The following ACSL5 variants were observed in gnomAD, a reference collection of about 807,000 sequenced individuals.
The protein encoded by ACSL5 is long-chain-fatty-acid--CoA ligase 5.
In ACSL5, 50 loss-of-function variants were observed where a neutral mutation model predicts 84.9. That is an observed-to-expected ratio of 0.59 (90% CI 0.47 to 0.75). The LOEUF (loss-of-function observed/expected upper bound fraction) is 0.75, where lower values mean the gene tolerates loss of function less well. ACSL5 is among the 30% of genes least tolerant of loss of function. The probability of loss-of-function intolerance (pLI) is 0.00; values close to 1 mark genes in which losing one functional copy is unlikely to be tolerated. For missense variants in ACSL5, 775 were observed against 830.4 expected (o/e 0.93, Z 0.82); for synonymous variants, 280 against 300.7 (o/e 0.93, Z 0.71).
At chr10:112,415,218 G>C (rs1029304435) in intron 12 of ACSL5, among the ~76,000 whole-genome samples, 2 of 151,184 alleles carry the variant, frequency 1.3e-5, no homozygotes, top group African/African-American at 4.9e-5. Context: ...TTTTGTTTTT[G>C]AGACGGAGTC....
At chr10:112,396,551 T>C (rs1564734573) in intron 2 of ACSL5, among the ~76,000 whole-genome samples, 1 of 152,184 alleles carries the variant, frequency 6.6e-6, no homozygotes, top group Non-Finnish European at 1.5e-5. Flanking sequence ...TTCTCACAGC[T>C]AAGAAAATAC....
intron 14 of ACSL5, among the ~76,000 whole-genome samples, chr10:112,420,882 C>A (rs1360310944): frequency 2.6e-5 from 4 of 152,028 alleles, no homozygotes; most frequent in African/African-American, 9.6e-5. Context: ...CCACCAGGCC[C>A]GGCTAATTTT....
At chr10:112,422,265 T>C in intron 16 of ACSL5, 60 bp from the exon 17 acceptor site, 7 of 1,433,520 alleles carry the variant, frequency 4.9e-6, no homozygotes, top group Non-Finnish European at 5.8e-6. Context: ...TTTCATAAAC[T>C]GCCCACGCTG....
At chr10:112,400,507 T>G (rs1843860447) in intron 3 of ACSL5, among the ~76,000 whole-genome samples, 1 of 149,586 alleles carries the variant, frequency 6.7e-6, no homozygotes, top group Non-Finnish European at 1.5e-5. Context: ...CCTCCCAGGT[T>G]CAAGCAATTC....
intron 1 of ACSL5, among the ~76,000 whole-genome samples, chr10:112,375,769 C>G (rs1564727508): frequency 1.3e-5 from 2 of 152,222 alleles, no homozygotes; most frequent in East Asian, 1.9e-4. Context: ...AATTGAACGA[C>G]TCACAGCCCT....
rs1315871005 is a variant in ACSL5, at chr10:112,398,051, T to TAAGCC, written c.157-850_157-849insAAGCC. ...TACAGATCCACTTTTCTTTTTTTTTTTTTTTTTTTTTTTTTTTTTTTTTTT... is the reference window on the plus strand; with the variant it reads ...TACAGATCCACTTTTCTTTTTTTTTTAAGCCTTTTTTTTTTTTTTTTTTTTTTTTT... On this transcript the variant is annotated intron_variant, in intron 2 of 20. Transcript: ENST00000354655. Among the ~76,000 whole-genome samples the TAAGCC allele has an allele frequency of 4.6e-4, 2 of 4,376 alleles. 1 individual carries two copies. The highest frequency in any genetic ancestry group is 2.4e-3 in the African/African-American group (2 of 830). The allele number at this position is 4,376 out of a possible 152,430, so 2.9% of individuals were successfully genotyped here. A position where few individuals can be genotyped will look rare whatever the true frequency, so the allele number is the denominator to read the frequency against.
At chr10:112,376,108 T>G (rs1589665491) in intron 1 of ACSL5, 1 of 653,908 alleles carries the variant, frequency 1.5e-6, no homozygotes, top group Non-Finnish European at 2.5e-6. Flanking sequence ...GGGGCTGAGG[T>G]GAAAGGCTTT....
At chr10:112,413,117 G>T (rs976128408) in intron 11 of ACSL5, 56 bp from the exon 12 acceptor site, 13 of 1,593,042 alleles carry the variant, frequency 8.2e-6, no homozygotes, top group Non-Finnish European at 7.7e-6. Context: ...TCCAAGACAG[G>T]TCCCCACTAA....
chr10:112,388,220 G>A (rs531845946), intron 1 of ACSL5, among the ~76,000 whole-genome samples: 153 of 152,294 alleles, frequency 1.0e-3, no homozygotes, highest in African/African-American at 3.5e-3. Context: ...GATTACAGGC[G>A]TGAGTCACCG....
chr10:112,417,993 G>GTGAGCCTGTTTGT, intron 14 of ACSL5, 52 bp downstream of exon 14: 2 of 1,362,858 alleles, frequency 1.5e-6, no homozygotes, highest in Non-Finnish European at 2.0e-6. Context: ...TGCACAAACA[G>GTGAGCCTGTTTGT]GCTCACTGTT....
At chr10:112,378,543 G>A (rs766791081) in intron 1 of ACSL5, among the ~76,000 whole-genome samples, 1 of 151,990 alleles carries the variant, frequency 6.6e-6, no homozygotes, top group South Asian at 2.1e-4. Context: ...CACTGCACCT[G>A]GCCTATAGGA....
At chr10:112,387,336 C>G (rs1849473180) in intron 1 of ACSL5, among the ~76,000 whole-genome samples, 1 of 152,198 alleles carries the variant, frequency 6.6e-6, no homozygotes, top group African/African-American at 2.4e-5. Context: ...GATCTTGCAA[C>G]AGAACACACA....
In ACSL5 at chr10:112,427,717, T is replaced by C. The variant is rs1191145135; in HGVS notation, c.*359T>C. The C allele has an allele frequency of 6.2e-6, 1 of 161,368 alleles. No individual in the cohort carries two copies. The allele number at this position is 161,368 out of a possible 1,614,324, so 10.0% of individuals were successfully genotyped here. On this transcript the variant is annotated 3_prime_UTR_variant, in exon 21 of 21. Coordinates refer to ENST00000354655, the MANE Select transcript of ACSL5 (RefSeq NM_203379.2). ...AAAGGGACCCTCTGTGCCTTCTTCT[T>C]TGTTTTGTGATAAACATAACTTGCC...
At chr10:112,382,963 G>A (rs1435739971) in intron 1 of ACSL5, among the ~76,000 whole-genome samples, 6 of 152,082 alleles carry the variant, frequency 3.9e-5, no homozygotes, top group Admixed American at 2.6e-4. Flanking sequence ...ACCTCTCGGC[G>A]GAGATGATAA....
rs199888927 is a variant in ACSL5, at chr10:112,417,834, T to A, written c.1219-12T>A. The A allele has an allele frequency of 1.1e-5, 18 of 1,613,064 alleles. No individual in the cohort carries two copies. In the African/African-American group the frequency reaches 2.1e-4, roughly 19 times the overall value. ...AATAGGTTTTAGTATGTCTTTTGTTTCCACTGAACAGGACAGCCTGGGCGG... is the reference window on the plus strand; with the variant it reads ...AATAGGTTTTAGTATGTCTTTTGTTACCACTGAACAGGACAGCCTGGGCGG... On this transcript the variant is annotated splice_polypyrimidine_tract_variant and intron_variant, in intron 13 of 20. Coordinates refer to ENST00000354655, the MANE Select transcript of ACSL5 (RefSeq NM_203379.2).
intron 1 of ACSL5, among the ~76,000 whole-genome samples, chr10:112,378,599 T>C (rs774696703): frequency 1.1e-4 from 16 of 152,146 alleles, no homozygotes; most frequent in Non-Finnish European, 1.8e-4. Flanking sequence ...TGCTCCTGTC[T>C]GTCTCTCATA....
intron 3 of ACSL5, 65 bp downstream of exon 3, chr10:112,399,074 C>T: frequency 1.5e-6 from 2 of 1,349,816 alleles, no homozygotes; most frequent in Non-Finnish European, 2.1e-6. Context: ...ATCTCTCTTT[C>T]TCTGTCTCAC....
intron 1 of ACSL5, among the ~76,000 whole-genome samples, chr10:112,391,229 G>A (rs1043776291): frequency 2.0e-5 from 3 of 152,120 alleles, no homozygotes; most frequent in African/African-American, 7.2e-5. Context: ...AAAATGCAAA[G>A]TTAGTTGCGC....
chr10:112,411,330 GAC>G, intron 9 of ACSL5, 124 bp from the exon 10 acceptor site: 1 of 752,506 alleles, frequency 1.3e-6, no homozygotes, highest in Non-Finnish European at 2.2e-6. Context: ...TCCACAAAAA[GAC>G]ACAGTGACAG....
Sources: gnomAD v4.1 joint callset for allele counts (sites outside exome capture counted in the v4.1 genomes callset) on GRCh38, gnomAD v4.1.1 for gene constraint, MANE v1.5 for transcripts, NCBI Gene and HGNC (gene_info 2026-07-23, HGNC 2026-07-21) for gene names.